Variants in STK32B observed in about 807,000 individuals in gnomAD.
STK32B encodes the protein serine/threonine kinase 32B, also known as serine/threonine-protein kinase 32B.
A neutral mutation model predicts 52.6 loss-of-function variants in STK32B; 43 were observed. That is an observed-to-expected ratio of 0.82 (90% CI 0.64 to 1.05). The LOEUF is 1.05. STK32B is among the 50% of genes least tolerant of loss of function. The pLI is 0.00. For synonymous variants in STK32B, 238 were observed against 204.3 expected, an observed-to-expected ratio of 1.17 and a Z score of -1.41; for missense variants, 621 against 534.6, an observed-to-expected ratio of 1.16 and a Z score of -1.59.
chr4:5,264,565 T>C (rs1726933490), intron 3 of STK32B, among the ~76,000 whole-genome samples: 1 of 151,928 alleles, frequency 6.6e-6, no homozygotes, highest in Admixed American at 6.6e-5. Flanking sequence ...GGCGGGCGGA[T>C]CACGAGGTCG....
intron 4 of STK32B, among the ~76,000 whole-genome samples, chr4:5,373,437 C>G (rs1000724597): frequency 6.6e-6 from 1 of 152,158 alleles, no homozygotes; most frequent in African/African-American, 2.4e-5. Context: ...GCCAATATCT[C>G]AGTTTTAAGG....
At chr4:5,208,096 T>A (rs1197853241) in intron 3 of STK32B, among the ~76,000 whole-genome samples, 1 of 152,160 alleles carries the variant, frequency 6.6e-6, no homozygotes. Flanking sequence ...TACTACAGTG[T>A]GTCCAGCCTG....
rs948447768 is a variant in STK32B, at chr4:5,399,798, C to A, written c.472+1554C>A. Reference sequence around the variant, plus strand: ...TCGGGTGAGACTCGAAGGTCAGCCACCCATCACAGTATGCAAGCGCTCGGG... The same window carrying A: ...TCGGGTGAGACTCGAAGGTCAGCCAACCATCACAGTATGCAAGCGCTCGGG... On this transcript the variant is annotated intron_variant, in intron 5 of 11. Coordinates refer to ENST00000282908, the MANE Select transcript of STK32B (RefSeq NM_018401.3). This position sits in a 1 kb window ranked among gnomAD's most constrained non-coding sequence, Gnocchi z 5.4. 1.3e-5 allele frequency among the ~76,000 whole-genome samples: 2 copies of A among 152,152 alleles called. No individual in the cohort carries two copies. The highest frequency in any genetic ancestry group is 2.9e-5 in the Non-Finnish European group (2 of 68,026).
At chr4:5,421,551 C>T (rs1208567113) in intron 6 of STK32B, among the ~76,000 whole-genome samples, 2 of 152,198 alleles carry the variant, frequency 1.3e-5, no homozygotes, top group Non-Finnish European at 2.9e-5. Context: ...TCTACCAGCC[C>T]TGATGTCTCT....
intron 11 of STK32B, among the ~76,000 whole-genome samples, chr4:5,480,732 C>G (rs1028304212): frequency 1.3e-5 from 2 of 152,014 alleles, no homozygotes; most frequent in Non-Finnish European, 2.9e-5. Context: ...TCCCTCCCCC[C>G]TCCACCCACC....
At chr4:5,183,163 G>A (rs747332413) in intron 3 of STK32B, among the ~76,000 whole-genome samples, 12 of 151,986 alleles carry the variant, frequency 7.9e-5, no homozygotes, top group Non-Finnish European at 1.5e-4. Context: ...AGCAAGAGTC[G>A]GCCTGTTTTT....
At chr4:5,354,103 G>A (rs1241678755) in intron 4 of STK32B, among the ~76,000 whole-genome samples, 1 of 152,200 alleles carries the variant, frequency 6.6e-6, no homozygotes, top group Non-Finnish European at 1.5e-5. Flanking sequence ...GGAACTGGAA[G>A]TCATTATGTT....
At chr4:5,473,419 C>G (rs113530454) in intron 11 of STK32B, among the ~76,000 whole-genome samples, 38 of 152,320 alleles carry the variant, frequency 2.5e-4, no homozygotes, top group African/African-American at 7.2e-4. Context: ...ATTGGGTGTT[C>G]ACTCTGTGCC....
At chr4:5,365,222 A>G (rs1168665827) in intron 4 of STK32B, among the ~76,000 whole-genome samples, 1 of 152,204 alleles carries the variant, frequency 6.6e-6, no homozygotes, top group Non-Finnish European at 1.5e-5. Context: ...TCTACTGAAC[A>G]ATGTAATTAC....
At chr4:5,339,233 A>G (rs1732911184) in intron 4 of STK32B, among the ~76,000 whole-genome samples, 1 of 152,200 alleles carries the variant, frequency 6.6e-6, no homozygotes, top group Non-Finnish European at 1.5e-5. Context: ...ATAGCAGATC[A>G]TAGGACTTCT....
chr4:5,238,645 C>T (rs959038767), intron 3 of STK32B, among the ~76,000 whole-genome samples: 1 of 152,172 alleles, frequency 6.6e-6, no homozygotes, highest in Non-Finnish European at 1.5e-5. Flanking sequence ...GGCTTAAATT[C>T]TGGATTCAAA....
At chr4:5,317,180 ATATATATATAACATATATATAT>A (rs1352053256) in intron 3 of STK32B, among the ~76,000 whole-genome samples, 697 of 49,544 alleles carry the variant, frequency 0.014, 26 homozygotes, top group East Asian at 0.042. Context: ...AACATATAAT[ATATATATATAACATATATATAT>A]TATATATATA....
At chr4:5,137,496 G>A (rs968224663) in intron 1 of STK32B, among the ~76,000 whole-genome samples, 1 of 150,008 alleles carries the variant, frequency 6.7e-6, no homozygotes, top group Admixed American at 6.7e-5. Context: ...CAGAAAAGAG[G>A]GAGGGGAATT....
chr4:5,384,012 A>G (rs1354080799), intron 4 of STK32B, among the ~76,000 whole-genome samples: 1 of 152,110 alleles, frequency 6.6e-6, no homozygotes, highest in Non-Finnish European at 1.5e-5. Context: ...CATCACAGGG[A>G]GAGAGGGAGG....
intron 4 of STK32B, among the ~76,000 whole-genome samples, chr4:5,376,425 C>G (rs182172227): frequency 6.6e-6 from 1 of 151,978 alleles, no homozygotes; most frequent in Non-Finnish European, 1.5e-5. Context: ...CTCCCCTGCC[C>G]CCCTCTCTCC....
At chr4:5,274,572 CA>C (rs917835320) in intron 3 of STK32B, among the ~76,000 whole-genome samples, 117 of 152,178 alleles carry the variant, frequency 7.7e-4, no homozygotes, top group African/African-American at 2.7e-3. Flanking sequence ...GCTAATTAGG[CA>C]AAAACAGGAG....
chr4:5,130,174 G>GAGC lies in STK32B; in HGVS notation c.53-9731_53-9730insAGC, dbSNP rs1444709944. ...GAAGACCTCTCACCTTCTCCGGCGGGGGGAGGCCTGGGGGATGGGAAGGAG... is the reference window on the plus strand; with the variant it reads ...GAAGACCTCTCACCTTCTCCGGCGGGAGCGGGAGGCCTGGGGGATGGGAAGGAG... On this transcript the variant is annotated intron_variant, in intron 1 of 11. Coordinates refer to ENST00000282908, the MANE Select transcript of STK32B (RefSeq NM_018401.3). Among the ~76,000 whole-genome samples, 12 of 151,912 alleles carry GAGC rather than the reference G, an allele frequency of 7.9e-5. No individual in the cohort carries two copies. In the East Asian group the frequency reaches 1.8e-3, roughly 22 times the overall value.
intron 3 of STK32B, among the ~76,000 whole-genome samples, chr4:5,229,133 C>A (rs1362683404): frequency 3.3e-5 from 5 of 151,670 alleles, no homozygotes; most frequent in Non-Finnish European, 5.9e-5. Flanking sequence ...GATGGACTTG[C>A]TTGACACAGG....
At chr4:5,451,977 G>T (rs1267428878) in intron 7 of STK32B, among the ~76,000 whole-genome samples, 1 of 152,166 alleles carries the variant, frequency 6.6e-6, no homozygotes, top group Non-Finnish European at 1.5e-5. Context: ...TTGAAAGCCT[G>T]CATCCTTCCC....
Sources: gnomAD v4.1 joint callset for allele counts (sites outside exome capture counted in the v4.1 genomes callset) on GRCh38, gnomAD v4.1.1 for gene constraint, Gnocchi (gnomAD v3.1) non-coding constraint, MANE v1.5 for transcripts, NCBI Gene and HGNC (gene_info 2026-07-23, HGNC 2026-07-21) for gene names.